GUF1: variants seen among roughly 807,000 people sequenced by gnomAD.
The protein encoded by GUF1 is translation factor GUF1, mitochondrial.
A neutral mutation model predicts 82.4 loss-of-function variants in GUF1; 78 were observed. That is an observed-to-expected ratio of 0.95 (90% confidence interval 0.79 to 1.14). The LOEUF is 1.14. Ranked by LOEUF, GUF1 falls within the 50% of genes most tolerant of loss-of-function variation. The pLI is 0.00. For synonymous variants in GUF1, 279 were observed against 282.3 expected (o/e 0.99, Z 0.12); for missense variants, 814 against 798.2 (o/e 1.02, Z -0.24).
chr4:44,678,895 G>T, intron 1 of GUF1, 108 bp downstream of exon 1: 2 of 1,159,578 alleles, frequency 1.7e-6, no homozygotes, highest in South Asian at 1.7e-5. Context: ...AACCCTGCTT[G>T]CAACTTGGTA....
chr4:44,681,232 A>G (rs770534046), intron 4 of GUF1, 29 bp downstream of exon 4: 1 of 1,451,818 alleles, frequency 6.9e-7, no homozygotes, highest in East Asian at 2.3e-5. Flanking sequence ...GTATGATGTG[A>G]TATGACATGA....
chr4:44,678,703 C>A lies in GUF1; in HGVS notation c.81C>A (p.Ala27=). The change falls in exon 1 of 17, where the codon GCC becomes GCA. Residue 27 remains alanine (A), a synonymous_variant. Transcript: ENST00000281543. ...PRATGAALLV[A]PGPRSAPTLG... ...CCACTGGGGCCGCGCTTCTGGTGGC[C>A]CCGGGGCCCCGGTCCGCGCCGACCC... The A allele has an allele frequency of 6.6e-7, 1 of 1,507,562 alleles. No homozygotes were observed. The highest frequency in any genetic ancestry group is 8.8e-7 in the Non-Finnish European group (1 of 1,141,950). The allele number at this position is 1,507,562 out of a possible 1,614,324, so 93.4% of individuals were successfully genotyped here.
At chr4:44,690,433 CA>C (rs1273453144) in intron 11 of GUF1, among the ~76,000 whole-genome samples, 1 of 151,642 alleles carries the variant, frequency 6.6e-6, no homozygotes, top group Non-Finnish European at 1.5e-5. Flanking sequence ...TCATTTTAAA[CA>C]AATACTAATT....
rs1714564602 is a variant in GUF1, at chr4:44,678,569, C to G, written c.-54C>G. On this transcript the variant is annotated 5_prime_UTR_variant, in exon 1 of 17. Coordinates refer to ENST00000281543, the MANE Select transcript of GUF1 (RefSeq NM_021927.3). ...GGGGGTACCTTCGAAAAAAAACGGG[C>G]TATGCTGCTGTTGCGTGTGGGTACC... 1 of 1,376,206 alleles carries G rather than the reference C, an allele frequency of 7.3e-7. No individual in the cohort carries two copies. Among genetic ancestry groups the G allele is most frequent in the Non-Finnish European group, 9.5e-7 (1 of 1,056,594 alleles). 85.2% of individuals were successfully genotyped at this position (1,376,206 alleles called of 1,614,324 possible). A position where few individuals can be genotyped will look rare whatever the true frequency, so the allele number is the denominator to read the frequency against.
chr4:44,684,005 C>G (rs780881178), intron 6 of GUF1, among the ~76,000 whole-genome samples: 3 of 151,988 alleles, frequency 2.0e-5, no homozygotes, highest in Non-Finnish European at 4.4e-5. Context: ...ATTAACTATT[C>G]TGATTTTAAT....
chr4:44,681,070 C>G, intron 3 of GUF1, 53 bp from the exon 4 acceptor site: 2 of 1,479,954 alleles, frequency 1.4e-6, no homozygotes, highest in Non-Finnish European at 1.9e-6. Context: ...CCATAATGCT[C>G]TTTCCTAAAA....
chr4:44,694,602 ACTT>A, intron 14 of GUF1, 89 bp downstream of exon 14: 4 of 786,652 alleles, frequency 5.1e-6, no homozygotes, highest in Non-Finnish European at 8.4e-6. Context: ...CATTTAAAAA[ACTT>A]CTAAGGTAAT....
At chr4:44,695,498 A>G (rs1419007956) in intron 14 of GUF1, 117 bp from the exon 15 acceptor site, 3 of 623,510 alleles carry the variant, frequency 4.8e-6, no homozygotes, top group Non-Finnish European at 7.7e-6. Context: ...TTTATAAGTA[A>G]GTTCCATTTG....
At chr4:44,681,477 C>CA (rs927783234) in intron 4 of GUF1, among the ~76,000 whole-genome samples, 1 of 151,508 alleles carries the variant, frequency 6.6e-6, no homozygotes, top group African/African-American at 2.4e-5. Flanking sequence ...TGCATCTTAC[C>CA]AAAAAAACCC....
chr4:44,690,626 A>G (rs1715374684), intron 11 of GUF1, 91 bp from the exon 12 acceptor site: 1 of 695,192 alleles, frequency 1.4e-6, no homozygotes, highest in Non-Finnish European at 2.4e-6. Flanking sequence ...AAATGATTAC[A>G]GCTGGAGGGA....
At chr4:44,679,048 G>C (rs1288459786) in intron 1 of GUF1, among the ~76,000 whole-genome samples, 1 of 152,194 alleles carries the variant, frequency 6.6e-6, no homozygotes, top group Non-Finnish European at 1.5e-5. Context: ...CGAGCCACTG[G>C]TCGAAGTGCT....
At chr4:44,695,989 T>C (rs1230693632) in intron 15 of GUF1, among the ~76,000 whole-genome samples, 1 of 152,172 alleles carries the variant, frequency 6.6e-6, no homozygotes, top group Non-Finnish European at 1.5e-5. Flanking sequence ...TTTCCACTCA[T>C]ATCAATGTCT....
chr4:44,683,018 G>T (rs955552879), intron 5 of GUF1, among the ~76,000 whole-genome samples: 4 of 151,490 alleles, frequency 2.6e-5, no homozygotes, highest in African/African-American at 9.7e-5. Flanking sequence ...AACTGCTTAA[G>T]TTTTTTTTGC....
rs768833626 is a variant in GUF1 at position 44,686,518 on chromosome 4, T to G, written c.743T>G (p.Val248Gly). The change falls in exon 8 of 17, where the codon GTG becomes GGG. Residue 248 changes from valine to glycine, a missense_variant. Physicochemically the swap from Val to Gly is moderately radical, Grantham distance 109 (BLOSUM62 -3). Transcript: ENST00000281543. ...TTACTTATATTTACTAGTCCTAAAG[T>G]GCATCGCAAAAATCCTCTGAGAGCT... The part of the protein sequence containing the change: ...AIIERIPPPK[V>G]HRKNPLRALV... The G allele has an allele frequency of 1.4e-5, 23 of 1,609,030 alleles. No homozygotes were observed. In the East Asian group the frequency reaches 2.2e-4, roughly 16 times the overall value.
chr4:44,697,170 ATT>A (rs1490156898), intron 15 of GUF1, among the ~76,000 whole-genome samples: 1 of 152,084 alleles, frequency 6.6e-6, no homozygotes, highest in Non-Finnish European at 1.5e-5. Context: ...AGCCTTGACC[ATT>A]TTTTCTTAAT....
rs1716188013 is a variant in GUF1 at position 44,700,709 on chromosome 4, T to C, written c.*2028T>C. On this transcript the variant is annotated 3_prime_UTR_variant, in exon 17 of 17. Coordinates refer to ENST00000281543, the MANE Select transcript of GUF1 (RefSeq NM_021927.3). ...GAGAGCTGTCTCAGATATTTTGAGC[T>C]TACAGTTATTGTGAAATCATTTTAA... is the stretch of plus-strand genomic sequence containing the variant. The C allele has an allele frequency of 6.6e-6, 1 of 152,214 alleles. No individual in the cohort carries two copies. The highest frequency in any genetic ancestry group is 1.5e-5 in the Non-Finnish European group (1 of 68,052). The allele number at this position is 152,214 out of a possible 1,614,324, so 9.4% of individuals were successfully genotyped here. A position where few individuals can be genotyped will look rare whatever the true frequency, so the allele number is the denominator to read the frequency against.
In GUF1 at chr4:44,700,358, A is replaced by AG. The variant is rs1389179119; in HGVS notation, c.*1678dup. On this transcript the variant is annotated 3_prime_UTR_variant, in exon 17 of 17. Transcript: ENST00000281543. ...GCTTTCTCTGTTTCATGTTTCACTA[A>AG]GCCAGATTAAGGTATAACTGACTAT... 6.6e-6 allele frequency: 1 copy of AG among 152,180 alleles called. No individual in the cohort carries two copies. Among genetic ancestry groups the AG allele is most frequent in the African/African-American group, 2.4e-5 (1 of 41,448 alleles). 9.4% of individuals were successfully genotyped at this position (152,180 alleles called of 1,614,324 possible). A position where few individuals can be genotyped will look rare whatever the true frequency, so the allele number is the denominator to read the frequency against.
intron 5 of GUF1, 68 bp downstream of exon 5, chr4:44,682,479 G>C (rs1363553832): frequency 2.5e-6 from 2 of 816,138 alleles, no homozygotes; most frequent in Non-Finnish European, 3.7e-6. Flanking sequence ...TTAAATGTCA[G>C]TTGTACTATT....
At chr4:44,686,074 A>C (rs781398798) in intron 7 of GUF1, 51 bp downstream of exon 7, 1 of 1,225,146 alleles carries the variant, frequency 8.2e-7, no homozygotes, top group Non-Finnish European at 1.2e-6. Context: ...ATAGTTCAAA[A>C]ACTGTCCATG....
Sources: gnomAD v4.1 joint callset for allele counts (sites outside exome capture counted in the v4.1 genomes callset) on GRCh38, gnomAD v4.1.1 for gene constraint, MANE v1.5 for transcripts, NCBI Gene and HGNC (gene_info 2026-07-23, HGNC 2026-07-21) for gene names.